The following ZNF420 variants were observed in gnomAD, a reference collection of about 807,000 sequenced individuals.
ZNF420 encodes the protein ATM and p53-associated KZNF protein.
ZNF420 carries 31 observed loss-of-function variants against 44.7 expected under a neutral mutation model. That is an observed-to-expected ratio of 0.69 (90% CI 0.52 to 0.94). The LOEUF is 0.94. Among genes scored for constraint, ZNF420 ranks in the 40% least tolerant of loss-of-function variants. The pLI is 0.00. For missense variants in ZNF420, 681 were observed against 827.9 expected, an observed-to-expected ratio of 0.82 and a Z score of 2.18; for synonymous variants, 245 against 267.4, an observed-to-expected ratio of 0.92 and a Z score of 0.82.
At chr19:37,060,335 C>A (rs1217599178) in intron 1 of ZNF420, among the ~76,000 whole-genome samples, 3 of 152,138 alleles carry the variant, frequency 2.0e-5, no homozygotes, top group Non-Finnish European at 4.4e-5. Flanking sequence ...GATGGGGACA[C>A]GGCAAGGATC....
intron 4 of ZNF420, among the ~76,000 whole-genome samples, chr19:37,101,084 G>T (rs532801455): frequency 5.2e-5 from 7 of 135,506 alleles, no homozygotes; most frequent in Admixed American, 4.6e-4. Flanking sequence ...ACTTATTTTT[G>T]TACATTGATT....
At chr19:37,122,893 C>T (rs73618082) in intron 4 of ZNF420, among the ~76,000 whole-genome samples, 2,932 of 152,252 alleles carry the variant, frequency 0.019, 78 homozygotes, top group East Asian at 0.05. Context: ...GATACCTCCC[C>T]AGAGTCACAT....
At chr19:37,103,489 A>G (rs1969894028) in intron 4 of ZNF420, among the ~76,000 whole-genome samples, 1 of 152,178 alleles carries the variant, frequency 6.6e-6, no homozygotes, top group Non-Finnish European at 1.5e-5. Flanking sequence ...GTTGTTGGTT[A>G]CATAATGGTC....
At position 37,063,532 on chromosome 19, in the gene ZNF420, C is replaced by T. The variant is rs141472564; in HGVS notation, c.-124-16813C>T. 8.6e-3 allele frequency among the ~76,000 whole-genome samples: 1,308 copies of T among 152,082 alleles called. 14 individuals carry two copies. Among genetic ancestry groups the T allele is most frequent in the Middle Eastern group, 0.031 (9 of 294 alleles). ...TCTCGCTTCTGTAGTATGCTTCCCCCTGCATAGATCTCCCCCCTCCCCCGC... is the reference window on the plus strand; with the variant it reads ...TCTCGCTTCTGTAGTATGCTTCCCCTTGCATAGATCTCCCCCCTCCCCCGC... On this transcript the variant is annotated intron_variant, in intron 1 of 4. Coordinates refer to the ZNF420 transcript ENST00000587029.
chr19:37,052,721 C>T (rs902997317), intron 1 of ZNF420, among the ~76,000 whole-genome samples: 2 of 152,178 alleles, frequency 1.3e-5, no homozygotes, highest in African/African-American at 2.4e-5. Context: ...GAGTTTCTGC[C>T]AAGAGATCAG....
chr19:37,058,506 G>C (rs1304582006), intron 1 of ZNF420, among the ~76,000 whole-genome samples: 2 of 152,168 alleles, frequency 1.3e-5, no homozygotes, highest in Admixed American at 6.5e-5. Context: ...GCTGGGGCTG[G>C]GTGCAGGGGA....
intron 4 of ZNF420, among the ~76,000 whole-genome samples, chr19:37,093,572 C>A (rs1412192560): frequency 6.6e-6 from 1 of 152,102 alleles, no homozygotes; most frequent in Non-Finnish European, 1.5e-5. Context: ...GAGGGATCCA[C>A]CCCCATGATC....
chr19:37,077,454 G>A (rs1360331274), upstream of ZNF420, among the ~76,000 whole-genome samples: 1 of 152,130 alleles, frequency 6.6e-6, no homozygotes, highest in East Asian at 1.9e-4. Flanking sequence ...GTTACCCTAG[G>A]ACTGGTTTTG....
At chr19:37,096,710 T>C (rs1969474182) in intron 4 of ZNF420, among the ~76,000 whole-genome samples, 1 of 152,210 alleles carries the variant, frequency 6.6e-6, no homozygotes, top group Non-Finnish European at 1.5e-5. Context: ...CCCTGGATCT[T>C]GTTTACTTTC....
chr19:37,088,653 CATTTT>C (rs1219863813), intron 2 of ZNF420, among the ~76,000 whole-genome samples: 6 of 152,124 alleles, frequency 3.9e-5, no homozygotes, highest in African/African-American at 1.4e-4. Flanking sequence ...TACATATTGT[CATTTT>C]ATAAGTCTAA....
At chr19:37,125,818 A>G (rs1197716187) in intron 4 of ZNF420, among the ~76,000 whole-genome samples, 4 of 152,222 alleles carry the variant, frequency 2.6e-5, no homozygotes, top group Non-Finnish European at 2.9e-5. Context: ...AGCTGATTCA[A>G]AGATGATTCA....
intron 1 of ZNF420, among the ~76,000 whole-genome samples, chr19:37,021,007 T>C (rs1441433413): frequency 6.6e-6 from 1 of 152,210 alleles, no homozygotes. Flanking sequence ...TGAACAGAAG[T>C]GTATGCTTTA....
intron 1 of ZNF420, among the ~76,000 whole-genome samples, chr19:37,060,565 T>G (rs1967858403): frequency 6.6e-6 from 1 of 151,916 alleles, no homozygotes; most frequent in Non-Finnish European, 1.5e-5. Flanking sequence ...GGGAGAAACT[T>G]CATGGAGATC....
chr19:37,032,433 A>G (rs1176450960), intron 1 of ZNF420, among the ~76,000 whole-genome samples: 1 of 147,220 alleles, frequency 6.8e-6, no homozygotes, highest in African/African-American at 2.5e-5. Context: ...TGAACCTGGG[A>G]GGTGGAGGTT....
chr19:37,071,716 G>A (rs2033268), intron 1 of ZNF420, among the ~76,000 whole-genome samples: 49,266 of 151,932 alleles, frequency 0.32, 8,214 homozygotes, highest in Non-Finnish European at 0.35. Flanking sequence ...CAGGAGAATC[G>A]CTTGAACCCA....
chr19:37,068,601 T>C (rs1018968291), intron 1 of ZNF420, among the ~76,000 whole-genome samples: 1 of 152,046 alleles, frequency 6.6e-6, no homozygotes, highest in East Asian at 1.9e-4. Context: ...GATTGTGCCA[T>C]TGCACTCCAG....
At chr19:37,024,574 C>G (rs1350305204) in intron 1 of ZNF420, among the ~76,000 whole-genome samples, 4 of 152,008 alleles carry the variant, frequency 2.6e-5, no homozygotes, top group African/African-American at 9.7e-5. Flanking sequence ...CTCAGCCTCT[C>G]GAGTAGCTGG....
At position 37,089,136 on chromosome 19, in the gene ZNF420, G is replaced by A. The variant is rs145113500; in HGVS notation, c.9+9G>A. ...TAAAAACCATGGCTCGGGTAAATTG[G>A]AGTTTCCTTGTGCTCTTTTCACTTA... On this transcript the variant is annotated intron_variant, in intron 3 of 4. Transcript: ENST00000337995. 1.7e-4 allele frequency: 280 copies of A among 1,611,678 alleles called. No homozygotes were observed. The highest frequency in any genetic ancestry group is 6.6e-4 in the Middle Eastern group (4 of 6,058).
chr19:37,047,360 G>A (rs1457234476), intron 1 of ZNF420, among the ~76,000 whole-genome samples: 1 of 152,178 alleles, frequency 6.6e-6, no homozygotes, highest in Non-Finnish European at 1.5e-5. Flanking sequence ...CTTCTGCCAT[G>A]TGAGGACACA....
Sources: gnomAD v4.1 joint callset for allele counts (sites outside exome capture counted in the v4.1 genomes callset) on GRCh38, gnomAD v4.1.1 for gene constraint, MANE v1.5 for transcripts, NCBI Gene and HGNC (gene_info 2026-07-23, HGNC 2026-07-21) for gene names.